SCN1A: variants seen among roughly 807,000 people sequenced by gnomAD.
SCN1A encodes the protein sodium voltage-gated channel alpha subunit 1.
Under a neutral mutation model 193.7 loss-of-function variants are expected in SCN1A, and 13 were observed. The ratio of observed to expected loss-of-function variants is 0.07; its 90% CI spans 0.04 to 0.11. The LOEUF is 0.11. Among genes scored for constraint, SCN1A ranks in the 10% least tolerant of loss-of-function variants. The pLI, the probability that SCN1A is intolerant of heterozygous loss-of-function variation, is 1.00. For synonymous variants in SCN1A, 781 were observed against 843.6 expected, an observed-to-expected ratio of 0.93 and a Z score of 1.29; for missense variants, 1,432 against 2,451.1, an observed-to-expected ratio of 0.58 and a Z score of 8.78.
At chr2:166,057,951 C>A (rs1037421077) in intron 5 of SCN1A, among the ~76,000 whole-genome samples, 2 of 152,032 alleles carry the variant, frequency 1.3e-5, no homozygotes, top group Admixed American at 6.6e-5. Context: ...CTCTCATTAA[C>A]TTCCGGAGTC....
chr2:166,058,055 A>C (rs1699300684), intron 5 of SCN1A, among the ~76,000 whole-genome samples: 1 of 152,138 alleles, frequency 6.6e-6, no homozygotes, highest in South Asian at 2.1e-4. Context: ...CACAAAAATC[A>C]TCAGGAAATT....
intron 3 of SCN1A, 136 bp from the exon 4 acceptor site, chr2:166,073,806 A>C: frequency 1.5e-6 from 1 of 679,810 alleles, no homozygotes; most frequent in Non-Finnish European, 2.4e-6. Context: ...TTCTAAAGAA[A>C]AAATTTTAAC....
intron 4 of SCN1A, among the ~76,000 whole-genome samples, chr2:166,059,731 A>G (rs909818237): frequency 6.6e-5 from 10 of 152,216 alleles, no homozygotes; most frequent in African/African-American, 2.4e-4. Context: ...GTTATGATAC[A>G]GCAAGCATAA....
chr2:166,139,880 G>A (rs897401564), intron 1 of SCN1A, among the ~76,000 whole-genome samples: 8 of 152,104 alleles, frequency 5.3e-5, no homozygotes, highest in Non-Finnish European at 7.4e-5. Flanking sequence ...TTTGAGTGGG[G>A]CACAGCCAAA....
intron 2 of SCN1A, among the ~76,000 whole-genome samples, chr2:166,102,995 T>C (rs535533): frequency 0.47 from 71,451 of 151,668 alleles, 17,642 homozygotes; most frequent in African/African-American, 0.61. Flanking sequence ...CTTAAGGCAT[T>C]GTTCAATTCT....
intron 2 of SCN1A, among the ~76,000 whole-genome samples, chr2:166,080,193 A>C (rs1400764813): frequency 2.0e-5 from 3 of 151,728 alleles, no homozygotes; most frequent in Non-Finnish European, 4.4e-5. Context: ...TAATTGTCCT[A>C]ATTTATGAAA....
At chr2:166,109,372 C>T (rs765467051) in intron 2 of SCN1A, 4 of 152,092 alleles carry the variant, frequency 2.6e-5, no homozygotes, top group African/African-American at 4.8e-5. Flanking sequence ...TTGAGAGTCT[C>T]AAAGAAGTAA....
At chr2:166,063,911 A>G (rs1683576726) in intron 4 of SCN1A, among the ~76,000 whole-genome samples, 1 of 152,106 alleles carries the variant, frequency 6.6e-6, no homozygotes, top group Admixed American at 6.6e-5. Context: ...AGGCTAATTA[A>G]TCTCTGCTAT....
intron 23 of SCN1A, among the ~76,000 whole-genome samples, chr2:166,006,067 A>G (rs879508414): frequency 7.3e-5 from 11 of 151,380 alleles, no homozygotes; most frequent in Admixed American, 6.6e-4. Flanking sequence ...AAATTTTCAT[A>G]CATGCAGAAA....
intron 19 of SCN1A, among the ~76,000 whole-genome samples, chr2:166,034,927 T>C (rs1696133563): frequency 6.6e-6 from 1 of 152,206 alleles, no homozygotes; most frequent in African/African-American, 2.4e-5. Flanking sequence ...TAGACATTGA[T>C]GCTGCTGGTA....
At chr2:166,040,523 C>CA (rs1011146359) in intron 16 of SCN1A, among the ~76,000 whole-genome samples, 8 of 152,136 alleles carry the variant, frequency 5.3e-5, no homozygotes, top group African/African-American at 1.9e-4. Context: ...TTTCTACCAT[C>CA]AAAAATCCTA....
rs187108011 is a variant in SCN1A at position 166,122,821 on chromosome 2, C to T, written c.-142+4103G>A. Among the ~76,000 whole-genome samples, 613 of 152,146 alleles carry T rather than the reference C, an allele frequency of 4.0e-3. 6 individuals are homozygous for T. The highest frequency in any genetic ancestry group is 3.1e-3 in the Non-Finnish European group (209 of 67,990). On this transcript the variant is annotated intron_variant, in intron 2 of 28. Transcript: ENST00000674923. ...ATTTTTATGACCTCAGATTAGGCAA[C>T]GGTTTCTTATACATGAGACTAAAAG...
chr2:166,141,700 A>G (rs1283487383), intron 1 of SCN1A, among the ~76,000 whole-genome samples: 1 of 151,362 alleles, frequency 6.6e-6, no homozygotes, highest in African/African-American at 2.4e-5. Context: ...GATGATAAAC[A>G]CTTATGTTAT....
chr2:166,032,917 C>G (rs1695823792), intron 19 of SCN1A, among the ~76,000 whole-genome samples: 2 of 152,122 alleles, frequency 1.3e-5, no homozygotes, highest in Admixed American at 1.3e-4. Context: ...ATTAAAATGA[C>G]AATCTCAAGT....
intron 19 of SCN1A, among the ~76,000 whole-genome samples, chr2:166,033,469 T>TGG (rs1559186510): frequency 5.9e-5 from 9 of 151,486 alleles, no homozygotes; most frequent in Non-Finnish European, 8.8e-5. Flanking sequence ...CCCAGCACTT[T>TGG]GGGAGGCTGA....
intron 1 of SCN1A, among the ~76,000 whole-genome samples, chr2:166,137,151 G>T (rs1691895455): frequency 6.6e-6 from 1 of 152,178 alleles, no homozygotes; most frequent in South Asian, 2.1e-4. Flanking sequence ...TTTCCAGGTT[G>T]GCAGTTGTGA....
In SCN1A at chr2:165,987,430, CAT is replaced by C. The variant is rs1170598000; in HGVS notation, c.*3813_*3814del. On this transcript the variant is annotated 3_prime_UTR_variant, in exon 29 of 29. Coordinates refer to ENST00000674923, the MANE Select transcript of SCN1A (RefSeq NM_001165963.4). ...ACTTTCACCCATGAGTTTTAATACT[CAT>C]TGATGATTCTTGTATGAATCAATTG... 1 of 152,104 alleles carries C rather than the reference CAT, an allele frequency of 6.6e-6. No individual in the cohort carries two copies. Among genetic ancestry groups the C allele is most frequent in the Non-Finnish European group, 1.5e-5 (1 of 67,998 alleles). The allele number at this position is 152,104 out of a possible 1,614,324, so 9.4% of individuals were successfully genotyped here.
chr2:166,057,295 G>A (rs1296183019), intron 5 of SCN1A, among the ~76,000 whole-genome samples: 11 of 152,008 alleles, frequency 7.2e-5, no homozygotes, highest in Middle Eastern at 3.4e-3. Context: ...GTCACGGTAC[G>A]TAAGTAAATA....
rs76605468 is a variant in SCN1A, at chr2:166,034,467, A to G, written c.3429+1581T>C. Among the ~76,000 whole-genome samples, 695 of 152,316 alleles carry G rather than the reference A, an allele frequency of 4.6e-3. 1 individual carries two copies. Among genetic ancestry groups the G allele is most frequent in the African/African-American group, 0.016 (665 of 41,568 alleles). On this transcript the variant is annotated intron_variant, in intron 19 of 28. Coordinates refer to ENST00000674923, the MANE Select transcript of SCN1A (RefSeq NM_001165963.4). ...TCTAATAGAATTGTATCTCTAATAA[A>G]ATGTCTTTAATGTATTCAATCCTTT...
Sources: gnomAD v4.1 joint callset for allele counts (sites outside exome capture counted in the v4.1 genomes callset) on GRCh38, gnomAD v4.1.1 for gene constraint, MANE v1.5 for transcripts, NCBI Gene and HGNC (gene_info 2026-07-23, HGNC 2026-07-21) for gene names.